The following TSHZ2 variants were observed in gnomAD, a reference collection of about 807,000 sequenced individuals.
TSHZ2 encodes teashirt zinc finger homeobox 2.
TSHZ2 carries 21 observed loss-of-function variants against 74.4 expected under a neutral mutation model. That is an observed-to-expected ratio of 0.28 (90% CI 0.20 to 0.41). The LOEUF (loss-of-function observed/expected upper bound fraction) is 0.41. Among genes scored for constraint, TSHZ2 ranks in the 10% least tolerant of loss-of-function variants. TSHZ2 has a pLI of 1.00. For synonymous variants in TSHZ2, 540 were observed against 515.3 expected, an observed-to-expected ratio of 1.05 and a Z score of -0.65; for missense variants, 1,244 against 1,293.5, an observed-to-expected ratio of 0.96 and a Z score of 0.59.
intron 2 of TSHZ2, among the ~76,000 whole-genome samples, chr20:53,326,630 G>A (rs1421639011): frequency 2.0e-5 from 3 of 152,168 alleles, no homozygotes; most frequent in African/African-American, 2.4e-5. Context: ...CACTGTGTGC[G>A]CCATCATGCT....
chr20:53,156,924 G>A (rs541730417), intron 1 of TSHZ2, among the ~76,000 whole-genome samples: 27 of 152,292 alleles, frequency 1.8e-4, no homozygotes, highest in African/African-American at 6.0e-4. Flanking sequence ...ACCATCTCAC[G>A]ACTTCTATCT....
At chr20:53,485,207 C>T (rs1042364653) in intron 2 of TSHZ2, among the ~76,000 whole-genome samples, 3 of 152,070 alleles carry the variant, frequency 2.0e-5, no homozygotes, top group Admixed American at 6.6e-5. Context: ...AAGCTTGAAA[C>T]GCAAAGATGT....
intron 1 of TSHZ2, among the ~76,000 whole-genome samples, chr20:53,015,698 T>G (rs1208455658): frequency 6.6e-6 from 1 of 152,188 alleles, no homozygotes; most frequent in Non-Finnish European, 1.5e-5. Flanking sequence ...CTCATTATTT[T>G]GGAAGAAATG....
chr20:53,086,039 CTT>C (rs905610140), intron 1 of TSHZ2, among the ~76,000 whole-genome samples: 1 of 152,210 alleles, frequency 6.6e-6, no homozygotes, highest in African/African-American at 2.4e-5. Flanking sequence ...GCACCAATCT[CTT>C]TGCATGGAGG....
chr20:53,235,953 C>A (rs963079406), intron 1 of TSHZ2, among the ~76,000 whole-genome samples: 1 of 152,196 alleles, frequency 6.6e-6, no homozygotes, highest in South Asian at 2.1e-4. Flanking sequence ...ATAATGAGAA[C>A]GTCACATTGA....
At chr20:52,996,450 C>G (rs748123286) in intron 1 of TSHZ2, among the ~76,000 whole-genome samples, 4 of 151,756 alleles carry the variant, frequency 2.6e-5, no homozygotes, top group Non-Finnish European at 5.9e-5. Context: ...TGAGGTTGAA[C>G]AGGAGGAAAA....
intron 1 of TSHZ2, among the ~76,000 whole-genome samples, chr20:53,096,389 C>T (rs946887131): frequency 1.3e-5 from 2 of 152,102 alleles, no homozygotes; most frequent in Non-Finnish European, 1.5e-5. Context: ...GTGATCCACT[C>T]GCCTAAGCCT....
intron 2 of TSHZ2, among the ~76,000 whole-genome samples, chr20:53,423,729 G>A (rs1983561854): frequency 6.6e-6 from 1 of 152,186 alleles, no homozygotes; most frequent in Non-Finnish European, 1.5e-5. Flanking sequence ...AAATGCATTG[G>A]TTCCCCCTCT....
At chr20:53,301,015 T>A (rs1600798544) in intron 2 of TSHZ2, among the ~76,000 whole-genome samples, 1 of 152,084 alleles carries the variant, frequency 6.6e-6, no homozygotes, top group African/African-American at 2.4e-5. Context: ...GAGGCTGGAG[T>A]GCAGTGGCAA....
intron 2 of TSHZ2, among the ~76,000 whole-genome samples, chr20:53,420,497 C>T (rs1486092416): frequency 1.3e-5 from 2 of 152,104 alleles, no homozygotes; most frequent in African/African-American, 2.4e-5. Context: ...GAGGCCAAAG[C>T]GGGCAGATCA....
chr20:53,044,467 G>A (rs549698769), intron 1 of TSHZ2, among the ~76,000 whole-genome samples: 45 of 152,202 alleles, frequency 3.0e-4, no homozygotes, highest in Non-Finnish European at 4.6e-4. Flanking sequence ...TGTAAAATCT[G>A]TCATGGTCCT....
chr20:53,173,951 A>G (rs1988262769), intron 1 of TSHZ2, among the ~76,000 whole-genome samples: 1 of 152,144 alleles, frequency 6.6e-6, no homozygotes, highest in African/African-American at 2.4e-5. Flanking sequence ...TTAATTTTAG[A>G]TAGAACTTCA....
chr20:53,474,285 C>T (rs1985923772), intron 2 of TSHZ2, among the ~76,000 whole-genome samples: 2 of 136,688 alleles, frequency 1.5e-5, no homozygotes. Flanking sequence ...CAAAGGGAAG[C>T]CCATCAGACT....
chr20:53,355,392 A>G (rs930708268), intron 2 of TSHZ2, among the ~76,000 whole-genome samples: 3 of 152,246 alleles, frequency 2.0e-5, no homozygotes, highest in Non-Finnish European at 2.9e-5. Flanking sequence ...CAAATAAAAT[A>G]TGATGTATTC....
intron 2 of TSHZ2, among the ~76,000 whole-genome samples, chr20:53,340,971 T>A (rs1187009564): frequency 6.6e-6 from 1 of 152,226 alleles, no homozygotes; most frequent in Non-Finnish European, 1.5e-5. Context: ...TGTTGGTGGC[T>A]GTGCTTGCCA....
chr20:53,180,333 T>C lies in TSHZ2; in HGVS notation c.41-73166T>C, dbSNP rs186520019. 3.0e-3 allele frequency among the ~76,000 whole-genome samples: 459 copies of C among 152,346 alleles called. 3 individuals are homozygous for C. The highest frequency in any genetic ancestry group is 5.0e-3 in the Non-Finnish European group (339 of 68,024). On this transcript the variant is annotated intron_variant, in intron 1 of 2. Coordinates refer to ENST00000371497, the MANE Select transcript of TSHZ2 (RefSeq NM_173485.6). ...AACTTTGTTCCAATTCCCAGGATGA[T>C]GGCATTTTCCCTAGAGGGATGGTTT...
intron 2 of TSHZ2, among the ~76,000 whole-genome samples, chr20:53,469,883 AAGAG>A (rs770397749): frequency 2.3e-5 from 3 of 129,518 alleles, no homozygotes; most frequent in African/African-American, 5.8e-5. Flanking sequence ...AAAGAAAAAA[AAGAG>A]AGAGAGGAAA....
intron 1 of TSHZ2, among the ~76,000 whole-genome samples, chr20:53,192,256 A>AT (rs1240807661): frequency 6.6e-6 from 1 of 151,114 alleles, no homozygotes; most frequent in Non-Finnish European, 1.5e-5. Context: ...ATAATGGACA[A>AT]TTTTGAGATC....
chr20:53,165,638 G>A (rs540487505), intron 1 of TSHZ2, among the ~76,000 whole-genome samples: 5 of 152,326 alleles, frequency 3.3e-5, no homozygotes, highest in African/African-American at 1.2e-4. Context: ...TAAAGCTTCT[G>A]ACATGCAATT....
Sources: allele counts gnomAD v4.1 joint callset (sites outside exome capture counted in the v4.1 genomes callset), GRCh38; gene constraint gnomAD v4.1.1; transcripts MANE v1.5; gene names NCBI Gene and HGNC (gene_info 2026-07-23, HGNC 2026-07-21).